The following RARB variants were observed in gnomAD, a reference collection of about 807,000 sequenced individuals.
RARB encodes the protein HBV-activated protein.
Under a neutral mutation model 51.9 loss-of-function variants are expected in RARB, and 17 were observed. The observed-to-expected ratio is 0.33, with a 90% CI of 0.22 to 0.49. RARB has a LOEUF of 0.49. Ranked by LOEUF, RARB falls within the 20% of genes least tolerant of loss-of-function variation. The pLI, the probability that RARB is intolerant of heterozygous loss-of-function variation, is 0.99. For missense variants in RARB, 369 were observed against 550.8 expected (o/e 0.67, Z 3.30); for synonymous variants, 215 against 195.4 (o/e 1.10, Z -0.84).
chr3:25,259,930 T>C (rs1575265645), intron 5 of RARB: 14 of 985,368 alleles, frequency 1.4e-5, no homozygotes, highest in Non-Finnish European at 1.7e-5. Context: ...TTTGTCTCTT[T>C]GGCATTCATG....
rs564480485 is a variant in RARB at position 25,501,418 on chromosome 3, C to G, written c.448+95C>G. On this transcript the variant is annotated intron_variant, in intron 3 of 7. Coordinates refer to ENST00000330688, the MANE Select transcript of RARB (RefSeq NM_000965.5). ...ATGTGGAATTCACACACGACACTAA[C>G]GAAATCTTGCCAAGGGTAGGTGTGA... 7.5e-6 allele frequency: 11 copies of G among 1,460,806 alleles called. No homozygotes were observed. The South Asian group carries it at 1.4e-4, about 19-fold the overall frequency. 90.5% of individuals were successfully genotyped at this position (1,460,806 alleles called of 1,614,324 possible).
At chr3:24,858,479 T>C (rs1026237157) in intron 1 of RARB, among the ~76,000 whole-genome samples, 1 of 152,154 alleles carries the variant, frequency 6.6e-6, no homozygotes, top group Non-Finnish European at 1.5e-5. Context: ...CGGGTACAGC[T>C]TCAGTGAAGA....
At chr3:25,423,453 A>G (rs1707911344), upstream of RARB, among the ~76,000 whole-genome samples, 1 of 152,274 alleles carries the variant, frequency 6.6e-6, no homozygotes, top group Non-Finnish European at 1.5e-5. Context: ...TAAATTTAAA[A>G]GTGTTGCAGA....
intron 1 of RARB, among the ~76,000 whole-genome samples, chr3:25,435,475 C>CGATGATCT (rs1432376472): frequency 1.3e-5 from 2 of 152,036 alleles, no homozygotes; most frequent in Admixed American, 1.3e-4. Context: ...ATAAAAAGGC[C>CGATGATCT]GATGATCTGA....
At chr3:25,024,529 G>A (rs779876892) in intron 2 of RARB, among the ~76,000 whole-genome samples, 1 of 152,184 alleles carries the variant, frequency 6.6e-6, no homozygotes, top group Non-Finnish European at 1.5e-5. Flanking sequence ...CTTCTCTGCA[G>A]ATAAGAGACT....
chr3:25,084,080 G>T (rs1218217222), intron 3 of RARB, among the ~76,000 whole-genome samples: 5 of 152,124 alleles, frequency 3.3e-5, no homozygotes, highest in Admixed American at 6.5e-5. Flanking sequence ...TTTGGCTAAT[G>T]ACTCAGTAAG....
chr3:24,925,500 G>A (rs931000748), intron 2 of RARB, among the ~76,000 whole-genome samples: 54 of 151,830 alleles, frequency 3.6e-4, no homozygotes, highest in African/African-American at 1.2e-3. Flanking sequence ...AAATTTAGCT[G>A]GGCATGGTGT....
rs530541793 is a variant in RARB, at chr3:25,234,383, T to C, written c.178+59808T>C. ...GATATCCTCTCTTTTATTCTTAATATTAGTAAGTTGCATCTCCTCTCTCTG... is the reference window on the plus strand; with the variant it reads ...GATATCCTCTCTTTTATTCTTAATACTAGTAAGTTGCATCTCCTCTCTCTG... On this transcript the variant is annotated intron_variant, in intron 5 of 11. Transcript: ENST00000383772. Among the ~76,000 whole-genome samples, 5 of 152,300 alleles carry C rather than the reference T, an allele frequency of 3.3e-5. 1 individual carries two copies. Among genetic ancestry groups the C allele is most frequent in the African/African-American group, 1.2e-4 (5 of 41,566 alleles).
chr3:25,086,170 T>C (rs2125314949), intron 3 of RARB, among the ~76,000 whole-genome samples: 1 of 152,300 alleles, frequency 6.6e-6, no homozygotes, highest in South Asian at 2.1e-4. Flanking sequence ...TCCACTCATA[T>C]TCTGGTTATA....
chr3:25,005,345 G>C (rs187402233), intron 2 of RARB, among the ~76,000 whole-genome samples: 1 of 152,264 alleles, frequency 6.6e-6, no homozygotes, highest in Admixed American at 6.5e-5. Flanking sequence ...GAGTAGCTGA[G>C]CTAGTGGCTC....
At chr3:25,516,405 A>AG (rs1698161461) in intron 3 of RARB, among the ~76,000 whole-genome samples, 2 of 152,198 alleles carry the variant, frequency 1.3e-5, no homozygotes, top group Admixed American at 6.5e-5. Context: ...TTTAATAATT[A>AG]GCTAATTATT....
intron 2 of RARB, among the ~76,000 whole-genome samples, chr3:24,967,576 T>C (rs1203117815): frequency 6.6e-6 from 1 of 152,162 alleles, no homozygotes; most frequent in Non-Finnish European, 1.5e-5. Context: ...GGTTGACTGA[T>C]AGTAAGAGCC....
intron 3 of RARB, among the ~76,000 whole-genome samples, chr3:25,118,657 G>A (rs1415542285): frequency 6.6e-6 from 1 of 151,986 alleles, no homozygotes; most frequent in Non-Finnish European, 1.5e-5. Flanking sequence ...TGCTTTTTCA[G>A]CCAAGCTGAG....
chr3:25,539,668 G>C (rs61409464), intron 3 of RARB, among the ~76,000 whole-genome samples: 1 of 146,736 alleles, frequency 6.8e-6, no homozygotes, highest in Non-Finnish European at 1.5e-5. Context: ...TAAAATAAGA[G>C]AGTCCCATTA....
At chr3:24,996,248 G>A (rs907079794) in intron 2 of RARB, among the ~76,000 whole-genome samples, 9 of 151,890 alleles carry the variant, frequency 5.9e-5, no homozygotes, top group African/African-American at 2.2e-4. Flanking sequence ...ATGGCCTATA[G>A]TTGTTTATAG....
At chr3:24,986,336 A>G (rs1696793756) in intron 2 of RARB, among the ~76,000 whole-genome samples, 1 of 152,246 alleles carries the variant, frequency 6.6e-6, no homozygotes, top group Non-Finnish European at 1.5e-5. Flanking sequence ...TCAAATTTCC[A>G]ACTTCCGTCT....
At chr3:25,215,911 C>G (rs182433317) in intron 5 of RARB, among the ~76,000 whole-genome samples, 31 of 152,292 alleles carry the variant, frequency 2.0e-4, no homozygotes, top group African/African-American at 7.2e-4. Flanking sequence ...CAAACTGAAA[C>G]TGGCACTTTA....
intron 1 of RARB, among the ~76,000 whole-genome samples, chr3:25,429,310 G>T (rs1223071858): frequency 6.6e-6 from 1 of 152,074 alleles, no homozygotes; most frequent in Non-Finnish European, 1.5e-5. Flanking sequence ...TAGTTGTATA[G>T]GTCCCCCCAC....
intron 2 of RARB, among the ~76,000 whole-genome samples, chr3:24,915,356 A>G (rs1695084913): frequency 6.6e-6 from 1 of 152,218 alleles, no homozygotes; most frequent in South Asian, 2.1e-4. Flanking sequence ...AAATCATATT[A>G]AAATTTAACT....
Sources: gnomAD v4.1 joint callset for allele counts (sites outside exome capture counted in the v4.1 genomes callset) on GRCh38, gnomAD v4.1.1 for gene constraint, MANE v1.5 for transcripts, NCBI Gene and HGNC (gene_info 2026-07-23, HGNC 2026-07-21) for gene names.